POTEF: variants seen among roughly 807,000 people sequenced by gnomAD.
POTEF encodes ANKRD26-like family C member 1B.
Under a neutral mutation model 83.2 loss-of-function variants are expected in POTEF, and 20 were observed. The ratio of observed to expected loss-of-function variants is 0.24; its 90% CI spans 0.17 to 0.35. The LOEUF is 0.35. Ranked by LOEUF, POTEF falls within the 10% of genes least tolerant of loss-of-function variation. The pLI is 1.00. For missense variants in POTEF, 550 were observed against 1,203.2 expected (o/e 0.46, Z 8.03); for synonymous variants, 196 against 446.4 (o/e 0.44, Z 7.07).
At chr2:130,103,119 T>G (rs1684419441) in intron 8 of POTEF, among the ~76,000 whole-genome samples, 1 of 110,992 alleles carries the variant, frequency 9.0e-6, no homozygotes, top group African/African-American at 3.3e-5. Context: ...TTTTTTTTTT[T>G]GAGCCAGGGT....
chr2:130,109,181 C>G (rs1297147316), intron 7 of POTEF: 1 of 151,044 alleles, frequency 6.6e-6, no homozygotes, highest in Non-Finnish European at 1.5e-5. Context: ...CAAAAATAGT[C>G]AAATGACCTT....
At chr2:130,121,059 G>A (rs1233286017) in intron 2 of POTEF, among the ~76,000 whole-genome samples, 1 of 151,384 alleles carries the variant, frequency 6.6e-6, no homozygotes, top group Non-Finnish European at 1.5e-5. Context: ...ACCGTTATGC[G>A]CGTGCGGCGT....
chr2:130,108,085 T>C lies in POTEF; in HGVS notation c.1056-6A>G, dbSNP rs746438795. On this transcript the variant is annotated splice_region_variant and splice_polypyrimidine_tract_variant and intron_variant, in intron 7 of 16. Transcript: ENST00000409914. ...CAGAAAGTAACTGGCAAATTCTATG[T>C]ATAAAAATGTAATAAACCAAATTAC... 3.5e-5 allele frequency: 55 copies of C among 1,590,480 alleles called. 2 individuals are homozygous for C. In the African/African-American group the frequency reaches 7.0e-4, roughly 20 times the overall value.
intron 5 of POTEF, among the ~76,000 whole-genome samples, chr2:130,112,938 C>A (rs1165999711): frequency 1.3e-5 from 2 of 151,916 alleles, no homozygotes; most frequent in Non-Finnish European, 2.9e-5. Context: ...AGAGGGCCAT[C>A]CTCTACTTAT....
At chr2:130,101,108 T>C (rs1223118156) in intron 9 of POTEF, among the ~76,000 whole-genome samples, 2 of 118,838 alleles carry the variant, frequency 1.7e-5, no homozygotes, top group African/African-American at 7.4e-5. Flanking sequence ...AAAACCTTCC[T>C]CACTTGAAAA....
At chr2:130,114,182 AGG>A (rs1402899495) in intron 5 of POTEF, among the ~76,000 whole-genome samples, 3 of 150,614 alleles carry the variant, frequency 2.0e-5, no homozygotes, top group East Asian at 2.0e-4. Context: ...ATTGATCTCT[AGG>A]TAGTTTACAA....
At position 130,074,968 on chromosome 2, in the gene POTEF, G is replaced by A; in HGVS notation, c.2504C>T (p.Ala835Val). 6.2e-7 allele frequency: 1 copy of A among 1,612,220 alleles called. No individual in the cohort carries two copies. The change falls in exon 17 of 17, where the codon GCC becomes GTC. Residue 835 changes from alanine (A) to valine (V), a missense_variant. Physicochemically the swap from Ala to Val is moderately conservative, Grantham distance 64. Transcript: ENST00000409914. ...GTACAGGGACAGCACAGCCTGGATGGCCACGTACATGGCTGGGGTGTTGAA... is the reference window on the plus strand; with the variant it reads ...GTACAGGGACAGCACAGCCTGGATGACCACGTACATGGCTGGGGTGTTGAA... ...ETFNTPAMYV[A>V]IQAVLSLYTS...
rs1685135002 is a variant in POTEF at position 130,127,796 on chromosome 2, C to G, written c.-181G>C. The stretch of plus-strand genomic sequence containing the variant: ...ACGCCACATGCAGGCTCCAGCGTAC[C>G]ACAGGTGATTCCTTCTCCTCCTCCT... On this transcript the variant is annotated 5_prime_UTR_variant, in exon 2 of 17. Transcript: ENST00000409914. 1 of 150,560 alleles carries G rather than the reference C, an allele frequency of 6.6e-6. No individual in the cohort carries two copies. The highest frequency in any genetic ancestry group is 2.5e-5 in the African/African-American group (1 of 40,202). 9.3% of individuals were successfully genotyped at this position (150,560 alleles called of 1,614,324 possible).
At chr2:130,126,303 C>CA (rs754556482) in intron 2 of POTEF, among the ~76,000 whole-genome samples, 661 of 122,468 alleles carry the variant, frequency 5.4e-3, no homozygotes, top group Middle Eastern at 0.013. Context: ...AACTCCATCT[C>CA]AAAAAAAAAA....
chr2:130,117,094 T>C (rs1218684360), intron 3 of POTEF, among the ~76,000 whole-genome samples: 1 of 151,600 alleles, frequency 6.6e-6, no homozygotes, highest in Non-Finnish European at 1.5e-5. Context: ...AGTAATGCAA[T>C]ACATTTGCAA....
intron 3 of POTEF, among the ~76,000 whole-genome samples, chr2:130,118,103 G>A (rs376279484): frequency 4.6e-5 from 7 of 151,766 alleles, no homozygotes; most frequent in African/African-American, 1.2e-4. Context: ...ACCATGCCCA[G>A]CTAATTTTTT....
intron 3 of POTEF, among the ~76,000 whole-genome samples, chr2:130,119,464 A>G (rs1684940924): frequency 6.6e-6 from 1 of 151,670 alleles, no homozygotes; most frequent in Admixed American, 6.6e-5. Context: ...CCAGCCAAAA[A>G]GCTCACATCT....
intron 2 of POTEF, among the ~76,000 whole-genome samples, chr2:130,123,065 T>G (rs937178617): frequency 1.3e-4 from 17 of 135,342 alleles, no homozygotes; most frequent in Non-Finnish European, 2.5e-4. Flanking sequence ...ATCCATCTGT[T>G]GTAATACACT....
At chr2:130,108,208 C>T (rs773552030) in intron 7 of POTEF, 129 bp from the exon 8 acceptor site, 7 of 1,416,278 alleles carry the variant, frequency 4.9e-6, no homozygotes, top group Non-Finnish European at 6.6e-6. Context: ...ATTATCCCAC[C>T]CACTTGTGAG....
intron 3 of POTEF, among the ~76,000 whole-genome samples, chr2:130,117,637 A>T (rs1486966714): frequency 6.6e-6 from 1 of 151,950 alleles, no homozygotes; most frequent in Non-Finnish European, 1.5e-5. Context: ...GACAACCTCA[A>T]TAGTTACATA....
At chr2:130,117,982 C>T (rs1304944199) in intron 3 of POTEF, among the ~76,000 whole-genome samples, 2 of 150,196 alleles carry the variant, frequency 1.3e-5, no homozygotes, top group Admixed American at 6.6e-5. Context: ...ACTCTATCAC[C>T]CAGGCTGGAA....
chr2:130,125,737 C>T (rs1685076653), intron 2 of POTEF, among the ~76,000 whole-genome samples: 1 of 151,950 alleles, frequency 6.6e-6, no homozygotes, highest in African/African-American at 2.4e-5. Flanking sequence ...GAAACCCCAT[C>T]TCTACTAAAA....
intron 5 of POTEF, among the ~76,000 whole-genome samples, chr2:130,112,998 ATAAC>A (rs1684751446): frequency 6.6e-6 from 1 of 151,768 alleles, no homozygotes; most frequent in Admixed American, 6.6e-5. Flanking sequence ...ACGGCAGTGA[ATAAC>A]TGATGGTAGG....
At chr2:130,110,873 A>G (rs542319044) in intron 6 of POTEF, among the ~76,000 whole-genome samples, 193 bp from the exon 7 acceptor site, 137 of 94,830 alleles carry the variant, frequency 1.4e-3, no homozygotes, top group Admixed American at 0.01. Context: ...ACCAAAAAAA[A>G]CCCTCTTATC....
Sources: gnomAD v4.1 joint callset for allele counts (sites outside exome capture counted in the v4.1 genomes callset) on GRCh38, gnomAD v4.1.1 for gene constraint, MANE v1.5 for transcripts, NCBI Gene and HGNC (gene_info 2026-07-23, HGNC 2026-07-21) for gene names.